Variants in SKAP1 observed in about 807,000 individuals in gnomAD.
SKAP1 encodes src kinase-associated phosphoprotein 1.
A neutral mutation model predicts 58.5 loss-of-function variants in SKAP1; 44 were observed. The observed-to-expected ratio is 0.75, with a 90% CI of 0.59 to 0.97. SKAP1 has a LOEUF of 0.97. SKAP1 is among the 50% of genes least tolerant of loss of function. The probability of loss-of-function intolerance (pLI) is 0.00; values close to 1 mark genes in which losing one functional copy is unlikely to be tolerated. For synonymous variants in SKAP1, 127 were observed against 149.7 expected, an observed-to-expected ratio of 0.85 and a Z score of 1.11; for missense variants, 390 against 435.2, an observed-to-expected ratio of 0.90 and a Z score of 0.92.
intron 9 of SKAP1, among the ~76,000 whole-genome samples, chr17:48,175,363 G>A (rs771284025): frequency 1.3e-5 from 2 of 152,186 alleles, no homozygotes; most frequent in Non-Finnish European, 2.9e-5. Context: ...ATAGACTCAA[G>A]GTGCAAAGGG....
chr17:48,411,126 A>G (rs2067659423), intron 1 of SKAP1, among the ~76,000 whole-genome samples: 1 of 151,952 alleles, frequency 6.6e-6, no homozygotes, highest in African/African-American at 2.4e-5. Flanking sequence ...GAGGCCGGGC[A>G]CGGTGGCTTG....
At chr17:48,225,670 G>C (rs2065060052) in intron 4 of SKAP1, among the ~76,000 whole-genome samples, 1 of 152,110 alleles carries the variant, frequency 6.6e-6, no homozygotes, top group Admixed American at 6.5e-5. Context: ...AGTGACTGCT[G>C]TTTCCTCTGC....
At chr17:48,268,133 C>T (rs763198854) in intron 4 of SKAP1, among the ~76,000 whole-genome samples, 10 of 151,992 alleles carry the variant, frequency 6.6e-5, no homozygotes, top group Non-Finnish European at 1.2e-4. Context: ...TTGAAGAGGC[C>T]TCATGCAATA....
At chr17:48,177,296 A>T (rs2064303533) in intron 9 of SKAP1, among the ~76,000 whole-genome samples, 1 of 152,122 alleles carries the variant, frequency 6.6e-6, no homozygotes, top group South Asian at 2.1e-4. Context: ...TCCTGTTTAA[A>T]CACCATCACA....
In SKAP1 at chr17:48,430,173, G is replaced by C. The variant is rs1425359154; in HGVS notation, c.-53C>G. Reference sequence around the variant, plus strand: ...GGGCGCGGGCCCTGGTCGGGAGGCGGACGGGCTGGAAGGCGACCCGGCTGC... The same window carrying C: ...GGGCGCGGGCCCTGGTCGGGAGGCGCACGGGCTGGAAGGCGACCCGGCTGC... On this transcript the variant is annotated 5_prime_UTR_variant, in exon 1 of 13. Coordinates refer to ENST00000336915, the MANE Select transcript of SKAP1 (RefSeq NM_003726.4). The C allele has an allele frequency of 8.1e-7, 1 of 1,241,498 alleles. No homozygotes were observed. The highest frequency in any genetic ancestry group is 1.6e-5 in the African/African-American group (1 of 64,010). 76.9% of individuals were successfully genotyped at this position (1,241,498 alleles called of 1,614,324 possible).
intron 11 of SKAP1, among the ~76,000 whole-genome samples, chr17:48,152,240 A>C (rs1384879402): frequency 6.6e-6 from 1 of 152,156 alleles, no homozygotes. Flanking sequence ...CTAATCCTAT[A>C]ATCTCCATAG....
chr17:48,179,578 C>T (rs772082397), intron 9 of SKAP1, among the ~76,000 whole-genome samples: 14 of 152,136 alleles, frequency 9.2e-5, no homozygotes, highest in Non-Finnish European at 2.1e-4. Context: ...TGTTCTCTAT[C>T]AAGGTTTACT....
chr17:48,282,339 T>C (rs1254995593), intron 4 of SKAP1, among the ~76,000 whole-genome samples: 2 of 150,592 alleles, frequency 1.3e-5, no homozygotes, highest in Non-Finnish European at 3.0e-5. Context: ...ACTAATGCCT[T>C]ATTTTTTTTA....
At chr17:48,282,646 C>T (rs1162111698) in intron 4 of SKAP1, among the ~76,000 whole-genome samples, 3 of 151,964 alleles carry the variant, frequency 2.0e-5, no homozygotes, top group Admixed American at 1.3e-4. Flanking sequence ...TTGTGGTGTA[C>T]GCCTGTAGTC....
intron 4 of SKAP1, among the ~76,000 whole-genome samples, chr17:48,288,615 G>A (rs1056598789): frequency 6.6e-6 from 1 of 152,206 alleles, no homozygotes; most frequent in African/African-American, 2.4e-5. Flanking sequence ...GAACCCAGGA[G>A]ATGGAGGTTG....
chr17:48,165,233 A>T (rs773277559), intron 10 of SKAP1, among the ~76,000 whole-genome samples: 5 of 152,154 alleles, frequency 3.3e-5, no homozygotes, highest in Non-Finnish European at 7.3e-5. Flanking sequence ...GGAAGAGATA[A>T]GTTGGAGGAG....
chr17:48,153,371 G>A (rs947644598), intron 11 of SKAP1, among the ~76,000 whole-genome samples: 1 of 152,140 alleles, frequency 6.6e-6, no homozygotes, highest in African/African-American at 2.4e-5. Flanking sequence ...TGTTCTAGAC[G>A]ATTGGTTCCT....
chr17:48,202,437 C>T (rs2064740437), intron 4 of SKAP1, among the ~76,000 whole-genome samples: 1 of 152,068 alleles, frequency 6.6e-6, no homozygotes, highest in Non-Finnish European at 1.5e-5. Flanking sequence ...TCAGACAGCT[C>T]CATGTGTGTC....
intron 2 of SKAP1, among the ~76,000 whole-genome samples, chr17:48,396,318 A>G (rs191494686): frequency 5.5e-4 from 84 of 152,312 alleles, no homozygotes; most frequent in African/African-American, 2.0e-3. Context: ...AAAAATCATA[A>G]TGAACATTAT....
chr17:48,184,699 C>T, intron 7 of SKAP1, 24 bp downstream of exon 7: 1 of 1,613,718 alleles, frequency 6.2e-7, no homozygotes, highest in South Asian at 1.1e-5. Context: ...CAAGAAGGAT[C>T]ACCATCTCCT....
chr17:48,402,294 G>A (rs955474229), intron 1 of SKAP1, among the ~76,000 whole-genome samples: 1 of 151,810 alleles, frequency 6.6e-6, no homozygotes, highest in African/African-American at 2.4e-5. Context: ...ATGAAAACAG[G>A]TGCTGACACA....
intron 4 of SKAP1, among the ~76,000 whole-genome samples, chr17:48,229,617 T>C (rs1168040366): frequency 6.6e-6 from 1 of 151,906 alleles, no homozygotes; most frequent in Non-Finnish European, 1.5e-5. Flanking sequence ...TGAGACTCTG[T>C]CTCAAAAATA....
chr17:48,217,102 T>A (rs997842049), intron 4 of SKAP1, among the ~76,000 whole-genome samples: 1 of 152,212 alleles, frequency 6.6e-6, no homozygotes, highest in African/African-American at 2.4e-5. Context: ...TAAATGTTTT[T>A]GTCAAATTTG....
the SKAP1 span, among the ~76,000 whole-genome samples, chr17:48,437,189 G>A: frequency 6.6e-6 from 1 of 152,136 alleles, no homozygotes; most frequent in African/African-American, 2.4e-5. Context: ...GGATATCTGA[G>A]CAGTTCCACC....
Sources: gnomAD v4.1 joint callset for allele counts (sites outside exome capture counted in the v4.1 genomes callset) on GRCh38, gnomAD v4.1.1 for gene constraint, MANE v1.5 for transcripts, NCBI Gene and HGNC (gene_info 2026-07-23, HGNC 2026-07-21) for gene names.